Variants in CDK8 observed in about 807,000 individuals in gnomAD.
CDK8 encodes cyclin-dependent kinase 8.
A neutral mutation model predicts 71.5 loss-of-function variants in CDK8; 29 were observed. The ratio of observed to expected loss-of-function variants is 0.41; its 90% CI spans 0.30 to 0.55. The LOEUF is 0.55. CDK8 is among the 20% of genes least tolerant of loss of function. The pLI is 0.37. For missense variants in CDK8, 288 were observed against 572.6 expected, an observed-to-expected ratio of 0.50 and a Z score of 5.07; for synonymous variants, 161 against 192.1, an observed-to-expected ratio of 0.84 and a Z score of 1.34.
intron 1 of CDK8, among the ~76,000 whole-genome samples, chr13:26,266,664 G>C (rs901342478): frequency 6.6e-6 from 1 of 152,150 alleles, no homozygotes; most frequent in East Asian, 1.9e-4. Flanking sequence ...GGATACCAAA[G>C]CTTAAGTCAT....
At chr13:26,391,778 T>G (rs182702178) in intron 6 of CDK8, among the ~76,000 whole-genome samples, 1 of 152,258 alleles carries the variant, frequency 6.6e-6, no homozygotes, top group Admixed American at 6.5e-5. Flanking sequence ...CTCTGATATG[T>G]AAATACGATG....
chr13:26,323,334 AGAGAGGGAGAGG>A (rs57361188), intron 1 of CDK8, among the ~76,000 whole-genome samples: 1,932 of 127,448 alleles, frequency 0.015, 25 homozygotes, highest in African/African-American at 0.028. Context: ...AGAGGGAGAG[AGAGAGGGAGAGG>A]GAGAGGGAGA....
At chr13:26,288,500 A>T (rs1873130923) in intron 1 of CDK8, among the ~76,000 whole-genome samples, 2 of 151,846 alleles carry the variant, frequency 1.3e-5, no homozygotes, top group Admixed American at 1.3e-4. Context: ...AGGTAATATA[A>T]ATCTTCCAAT....
chr13:26,278,916 A>G (rs1593234663), intron 1 of CDK8, among the ~76,000 whole-genome samples: 1 of 152,132 alleles, frequency 6.6e-6, no homozygotes, highest in South Asian at 2.1e-4. Flanking sequence ...TAGTATTTAC[A>G]TTGTATTAGG....
At chr13:26,269,441 C>T (rs1872189900) in intron 1 of CDK8, among the ~76,000 whole-genome samples, 1 of 152,100 alleles carries the variant, frequency 6.6e-6, no homozygotes, top group Non-Finnish European at 1.5e-5. Context: ...TCTGCAGATC[C>T]CCTTTAAGTT....
At chr13:26,360,987 A>G (rs1186394950) in intron 4 of CDK8, among the ~76,000 whole-genome samples, 1 of 152,140 alleles carries the variant, frequency 6.6e-6, no homozygotes. Flanking sequence ...ATATTGACCT[A>G]TTGATCTCTT....
chr13:26,262,804 G>A (rs1257448331), intron 1 of CDK8, among the ~76,000 whole-genome samples: 2 of 152,176 alleles, frequency 1.3e-5, no homozygotes, highest in African/African-American at 2.4e-5. Context: ...TAGCATGATC[G>A]TTTTATTTGA....
intron 1 of CDK8, among the ~76,000 whole-genome samples, chr13:26,312,416 G>A (rs1264477375): frequency 1.3e-5 from 2 of 152,098 alleles, no homozygotes; most frequent in East Asian, 3.9e-4. Flanking sequence ...AACACTCACC[G>A]TGAGGGTCTG....
intron 1 of CDK8, among the ~76,000 whole-genome samples, chr13:26,293,137 C>G (rs982215800): frequency 6.6e-6 from 1 of 151,970 alleles, no homozygotes. Flanking sequence ...CTTTGTTTCT[C>G]TAGATTCTTA....
At position 26,404,029 on chromosome 13, in the gene CDK8, C is replaced by T; in HGVS notation, c.1343C>T (p.Ser448Leu). Residue 448 changes from serine to leucine, a missense_variant, in exon 13 of 13, where the codon TCA becomes TTA. By Grantham distance (145) the Ser-to-Leu change is moderately radical (BLOSUM62 -2). Coordinates refer to ENST00000381527, the MANE Select transcript of CDK8 (RefSeq NM_001260.3). ...TSQPQSSMGY[S>L]ATSQQPPQYS... ...CAGCCGCAGAGCAGCATGGGATACT[C>T]AGCTACCTCCCAGCAGCCTCCACAG... is the stretch of plus-strand genomic sequence containing the variant. 2 of 1,614,044 alleles carry T rather than the reference C, an allele frequency of 1.2e-6. No homozygotes were observed. The highest frequency in any genetic ancestry group is 1.7e-6 in the Non-Finnish European group (2 of 1,179,998).
chr13:26,380,563 G>A (rs906673795), intron 4 of CDK8, among the ~76,000 whole-genome samples: 3 of 151,574 alleles, frequency 2.0e-5, no homozygotes, highest in African/African-American at 4.9e-5. Context: ...GGCTCACTGC[G>A]GTCTCCACCT....
chr13:26,372,748 C>G (rs915299047), intron 4 of CDK8, among the ~76,000 whole-genome samples: 5 of 152,160 alleles, frequency 3.3e-5, no homozygotes, highest in African/African-American at 1.2e-4. Context: ...CAGCTGAGGC[C>G]TTTCTGGCCT....
chr13:26,324,585 G>T (rs995121556), intron 1 of CDK8, among the ~76,000 whole-genome samples: 23 of 152,234 alleles, frequency 1.5e-4, no homozygotes, highest in African/African-American at 5.5e-4. Context: ...AAATTAGGCA[G>T]ATCTATGAAA....
chr13:26,298,753 A>G (rs1229423022), intron 1 of CDK8, among the ~76,000 whole-genome samples: 1 of 152,200 alleles, frequency 6.6e-6, no homozygotes, highest in African/African-American at 2.4e-5. Context: ...GTCAAAAATT[A>G]TGCTGGTGAG....
intron 1 of CDK8, among the ~76,000 whole-genome samples, chr13:26,309,878 C>T (rs1874208412): frequency 6.6e-6 from 1 of 152,104 alleles, no homozygotes; most frequent in Admixed American, 6.5e-5. Context: ...CCTCAGCCTC[C>T]CAGGTAACTG....
In CDK8 at chr13:26,254,570, C is replaced by T. The variant is rs1871428282; in HGVS notation, c.-72C>T. The T allele has an allele frequency of 1.5e-6, 2 of 1,343,432 alleles. No homozygotes were observed. Among genetic ancestry groups the T allele is most frequent in the Admixed American group, 2.2e-5 (1 of 46,074 alleles). The allele number at this position is 1,343,432 out of a possible 1,614,324, so 83.2% of individuals were successfully genotyped here. ...GCGGGTTCCCGGGGGCTGCGGCTGCCCGTGCTTCCCCGGTCCCCACCCCTG... is the reference window on the plus strand; with the variant it reads ...GCGGGTTCCCGGGGGCTGCGGCTGCTCGTGCTTCCCCGGTCCCCACCCCTG... On this transcript the variant is annotated 5_prime_UTR_variant, in exon 1 of 13. Transcript: ENST00000381527. The surrounding 1 kb of genome is among the most constrained non-coding windows in gnomAD (Gnocchi z 6.7).
Position 26,254,586 on chromosome 13 carries a change from C to G in CDK8, c.-56C>G. 7.7e-7 allele frequency: 1 copy of G among 1,304,024 alleles called. No homozygotes were observed. The highest frequency in any genetic ancestry group is 1.1e-6 in the Non-Finnish European group (1 of 940,680). The allele number at this position is 1,304,024 out of a possible 1,614,324, so 80.8% of individuals were successfully genotyped here. A position where few individuals can be genotyped will look rare whatever the true frequency, so the allele number is the denominator to read the frequency against. ...TGCGGCTGCCCGTGCTTCCCCGGTC[C>G]CCACCCCTGCCCCCCGGCCCCCCGA... On this transcript the variant is annotated 5_prime_UTR_variant, in exon 1 of 13. Coordinates refer to ENST00000381527, the MANE Select transcript of CDK8 (RefSeq NM_001260.3). This position sits in a 1 kb window ranked among gnomAD's most constrained non-coding sequence, Gnocchi z 6.7.
chr13:26,274,449 T>C (rs1185654230), intron 1 of CDK8, among the ~76,000 whole-genome samples: 1 of 151,816 alleles, frequency 6.6e-6, no homozygotes, highest in East Asian at 1.9e-4. Context: ...TTTTTTTTTT[T>C]GAGATGGAGT....
chr13:26,296,550 A>T (rs367557908), intron 1 of CDK8, among the ~76,000 whole-genome samples: 1 of 152,222 alleles, frequency 6.6e-6, no homozygotes, highest in Non-Finnish European at 1.5e-5. Flanking sequence ...GCTCTGGGTG[A>T]TATCAGGTAC....
Sources: gnomAD v4.1 joint callset for allele counts (sites outside exome capture counted in the v4.1 genomes callset) on GRCh38, gnomAD v4.1.1 for gene constraint, Gnocchi (gnomAD v3.1) non-coding constraint, MANE v1.5 for transcripts, NCBI Gene and HGNC (gene_info 2026-07-23, HGNC 2026-07-21) for gene names.